Variants in TAFA4 observed in about 807,000 individuals in gnomAD.
The protein encoded by TAFA4 is TAFA chemokine like family member 4.
A neutral mutation model predicts 21.1 loss-of-function variants in TAFA4; 20 were observed. That is an observed-to-expected ratio of 0.95 (90% CI 0.67 to 1.38). TAFA4 has a LOEUF of 1.38. Ranked by LOEUF, TAFA4 falls within the 40% of genes most tolerant of loss-of-function variation. The pLI, the probability that TAFA4 is intolerant of heterozygous loss-of-function variation, is 0.00. For synonymous variants in TAFA4, 71 were observed against 67.4 expected, an observed-to-expected ratio of 1.05 and a Z score of -0.26; for missense variants, 211 against 180.9, an observed-to-expected ratio of 1.17 and a Z score of -0.95.
At chr3:68,858,204 G>A (rs1362514953) in intron 3 of TAFA4, among the ~76,000 whole-genome samples, 2 of 152,086 alleles carry the variant, frequency 1.3e-5, no homozygotes, top group Non-Finnish European at 2.9e-5. Context: ...TCACTCGTAA[G>A]AAAGAAGGCT....
chr3:68,770,028 G>A (rs952786576), intron 3 of TAFA4, among the ~76,000 whole-genome samples: 1 of 151,998 alleles, frequency 6.6e-6, no homozygotes. Flanking sequence ...TGAAACTCCA[G>A]GAAAAATATC....
At chr3:68,777,697 A>C (rs2106791693) in intron 3 of TAFA4, among the ~76,000 whole-genome samples, 1 of 152,312 alleles carries the variant, frequency 6.6e-6, no homozygotes, top group African/African-American at 2.4e-5. Flanking sequence ...AACAAATAGT[A>C]ATATGCAACA....
At chr3:68,887,099 A>C (rs2089680289) in intron 1 of TAFA4, among the ~76,000 whole-genome samples, 1 of 152,244 alleles carries the variant, frequency 6.6e-6, no homozygotes, top group African/African-American at 2.4e-5. Flanking sequence ...TGAGCCTATA[A>C]AATCAAAACA....
chr3:68,895,552 G>A (rs1399535563), intron 1 of TAFA4, among the ~76,000 whole-genome samples: 2 of 152,202 alleles, frequency 1.3e-5, no homozygotes, highest in Non-Finnish European at 2.9e-5. Context: ...GGAAACCACA[G>A]AACTCATGTA....
rs76941220 is a variant in TAFA4 at position 68,854,615 on chromosome 3, T to G, written c.130+26115A>C. ...AAATATATGGTTAAAGCCTTACCAA[T>G]TGGATGAGTGGCCTTAGCCTCTCAT... On this transcript the variant is annotated intron_variant, in intron 3 of 5. Transcript: ENST00000295569. Among the ~76,000 whole-genome samples the G allele has an allele frequency of 5.9e-3, 905 of 152,144 alleles. 11 individuals are homozygous for G. The highest frequency in any genetic ancestry group is 0.021 in the African/African-American group (862 of 41,518).
chr3:68,794,987 G>T (rs980227165), intron 3 of TAFA4, among the ~76,000 whole-genome samples: 5 of 134,026 alleles, frequency 3.7e-5, no homozygotes, highest in African/African-American at 1.5e-4. Context: ...TTTTGAATCA[G>T]ATTTGTGTCT....
chr3:68,893,139 T>G (rs1366049309), intron 1 of TAFA4, among the ~76,000 whole-genome samples: 1 of 152,198 alleles, frequency 6.6e-6, no homozygotes, highest in Non-Finnish European at 1.5e-5. Context: ...TTTCAAATAT[T>G]CAAAACAGAA....
chr3:68,907,533 A>C (rs1195241204), intron 1 of TAFA4, among the ~76,000 whole-genome samples: 3 of 152,236 alleles, frequency 2.0e-5, no homozygotes, highest in Non-Finnish European at 4.4e-5. Context: ...GGGTGTTGTG[A>C]TACTAACAGT....
intron 3 of TAFA4, among the ~76,000 whole-genome samples, chr3:68,819,678 G>A (rs1219309603): frequency 2.0e-5 from 3 of 152,100 alleles, no homozygotes; most frequent in African/African-American, 7.2e-5. Context: ...ATAAATGGCT[G>A]ACAAGTCATT....
At chr3:68,736,154 C>T (rs895600541) in intron 5 of TAFA4, among the ~76,000 whole-genome samples, 1 of 152,024 alleles carries the variant, frequency 6.6e-6, no homozygotes, top group East Asian at 1.9e-4. Context: ...TGCTTGGCTT[C>T]GTTGCTAAGA....
chr3:68,886,627 C>G (rs2089675283), intron 1 of TAFA4, among the ~76,000 whole-genome samples: 1 of 152,102 alleles, frequency 6.6e-6, no homozygotes, highest in African/African-American at 2.4e-5. Context: ...ATAGATCCAT[C>G]AGTGGAAAGT....
chr3:68,846,898 T>G (rs1704815209), intron 3 of TAFA4, among the ~76,000 whole-genome samples: 1 of 150,018 alleles, frequency 6.7e-6, no homozygotes, highest in East Asian at 2.0e-4. Context: ...GGAAGCTTCA[T>G]CCCAGAGGGG....
chr3:68,795,746 C>T (rs916911756), intron 3 of TAFA4, among the ~76,000 whole-genome samples: 1 of 152,138 alleles, frequency 6.6e-6, no homozygotes, highest in Non-Finnish European at 1.5e-5. Context: ...CCATGTTTTC[C>T]TGGATGGTGT....
chr3:68,906,264 C>G (rs960788980), intron 1 of TAFA4, among the ~76,000 whole-genome samples: 1 of 152,120 alleles, frequency 6.6e-6, no homozygotes, highest in African/African-American at 2.4e-5. Context: ...AACAGAAAAT[C>G]AGGTATTGAT....
intron 3 of TAFA4, among the ~76,000 whole-genome samples, chr3:68,795,322 A>G (rs1373260332): frequency 1.3e-5 from 2 of 151,422 alleles, no homozygotes; most frequent in African/African-American, 2.4e-5. Context: ...CTAGTAACAC[A>G]TCCAATTTCC....
chr3:68,831,895 T>A (rs1353631767), intron 3 of TAFA4, among the ~76,000 whole-genome samples: 1 of 151,918 alleles, frequency 6.6e-6, no homozygotes, highest in Non-Finnish European at 1.5e-5. Flanking sequence ...TCACTCTTCT[T>A]TAATCTTGTC....
At chr3:68,745,457 A>T (rs913058335) in intron 4 of TAFA4, among the ~76,000 whole-genome samples, 1 of 152,194 alleles carries the variant, frequency 6.6e-6, no homozygotes, top group African/African-American at 2.4e-5. Context: ...TTCCTGACTT[A>T]TGAAAACACA....
intron 3 of TAFA4, among the ~76,000 whole-genome samples, chr3:68,808,946 T>C (rs186377530): frequency 1.4e-4 from 21 of 152,268 alleles, no homozygotes; most frequent in African/African-American, 3.8e-4. Context: ...GAAAAGAACA[T>C]AGAAACCCCC....
intron 3 of TAFA4, among the ~76,000 whole-genome samples, chr3:68,812,987 A>C (rs1703875865): frequency 6.6e-6 from 1 of 152,224 alleles, no homozygotes; most frequent in African/African-American, 2.4e-5. Context: ...CTCAGACCAC[A>C]GTGCAATCAA....
Sources: allele counts gnomAD v4.1 joint callset (sites outside exome capture counted in the v4.1 genomes callset), GRCh38; gene constraint gnomAD v4.1.1; transcripts MANE v1.5; gene names NCBI Gene and HGNC (gene_info 2026-07-23, HGNC 2026-07-21).